Variants in PTPRN2 observed in about 807,000 individuals in gnomAD.
The protein encoded by PTPRN2 is protein tyrosine phosphatase receptor type N2, also known as receptor-type tyrosine-protein phosphatase N2.
In PTPRN2, 74 loss-of-function variants were observed where a neutral mutation model predicts 118.8. The observed-to-expected ratio is 0.62, with a 90% CI of 0.52 to 0.76. The LOEUF (loss-of-function observed/expected upper bound fraction) is 0.76. Ranked by LOEUF, PTPRN2 falls within the 30% of genes least tolerant of loss-of-function variation. The pLI, the probability that PTPRN2 is intolerant of heterozygous loss-of-function variation, is 0.00. For synonymous variants in PTPRN2, 641 were observed against 608.0 expected (o/e 1.05, Z -0.80); for missense variants, 1,481 against 1,394.4 (o/e 1.06, Z -0.99).
intron 2 of PTPRN2, among the ~76,000 whole-genome samples, chr7:158,370,898 C>CA (rs1282980740): frequency 6.6e-6 from 1 of 152,166 alleles, no homozygotes; most frequent in African/African-American, 2.4e-5. Flanking sequence ...AAATACCACA[C>CA]AAAATTAACA....
chr7:158,266,823 A>G (rs1421290911), intron 3 of PTPRN2, among the ~76,000 whole-genome samples: 6 of 152,252 alleles, frequency 3.9e-5, no homozygotes, highest in Admixed American at 2.0e-4. Context: ...AAATATGCCA[A>G]ATTTTTAAAA....
intron 11 of PTPRN2, chr7:158,030,455 C>T (rs1227372143): frequency 6.6e-6 from 1 of 152,178 alleles, no homozygotes; most frequent in Non-Finnish European, 1.5e-5. Flanking sequence ...AGTCTTGGCT[C>T]CAGCTCCTGT....
At chr7:157,770,557 A>G (rs1638751) in intron 12 of PTPRN2, among the ~76,000 whole-genome samples, 25,968 of 152,244 alleles carry the variant, frequency 0.17, 3,072 homozygotes, top group African/African-American at 0.31. Flanking sequence ...TTCCAAATAC[A>G]TGATCCTACT....
chr7:158,158,274 T>C (rs1356099449), intron 6 of PTPRN2, among the ~76,000 whole-genome samples: 2 of 152,246 alleles, frequency 1.3e-5, no homozygotes, highest in Non-Finnish European at 2.9e-5. Flanking sequence ...GCTGTCACCG[T>C]GAAAAGTCAA....
chr7:158,428,225 G>A (rs1004814023), intron 2 of PTPRN2, among the ~76,000 whole-genome samples: 26 of 152,180 alleles, frequency 1.7e-4, no homozygotes, highest in Admixed American at 6.5e-5. Context: ...TCCCAAAATG[G>A]AAAAACATTC....
intron 2 of PTPRN2, among the ~76,000 whole-genome samples, chr7:158,421,273 C>A (rs1387544645): frequency 6.6e-6 from 1 of 152,186 alleles, no homozygotes; most frequent in Non-Finnish European, 1.5e-5. Context: ...AGAGCTCAGC[C>A]TGTGGATATT....
rs1218739512 is a variant in PTPRN2 at position 157,611,793 on chromosome 7, C to T, written c.2345-7718G>A. Among the ~76,000 whole-genome samples the T allele has an allele frequency of 2.8e-5, 4 of 145,162 alleles. No homozygotes were observed. Among genetic ancestry groups the T allele is most frequent in the African/African-American group, 7.8e-5 (3 of 38,592 alleles). On this transcript the variant is annotated intron_variant, in intron 15 of 22. Coordinates refer to ENST00000389418, the MANE Select transcript of PTPRN2 (RefSeq NM_002847.5). The surrounding 1 kb of genome is among the most constrained non-coding windows in gnomAD (Gnocchi z 5.9). ...CAGCCGCAGTCATGCTGGGGACACG[C>T]GGAGGGAGAGCGCCCGTGTGAAGAC...
At chr7:158,194,793 T>G (rs557871275) in intron 4 of PTPRN2, among the ~76,000 whole-genome samples, 3 of 152,320 alleles carry the variant, frequency 2.0e-5, no homozygotes, top group South Asian at 4.1e-4. Flanking sequence ...AAATTACAGA[T>G]AGTGTATAAC....
At chr7:158,549,309 C>T (rs770579676) in intron 1 of PTPRN2, among the ~76,000 whole-genome samples, 9 of 152,318 alleles carry the variant, frequency 5.9e-5, no homozygotes, top group East Asian at 1.9e-4. Flanking sequence ...AGGGTCTCCA[C>T]GGGGAGCTGG....
intron 14 of PTPRN2, among the ~76,000 whole-genome samples, chr7:157,626,490 C>T (rs1393604904): frequency 2.6e-5 from 4 of 152,132 alleles, no homozygotes; most frequent in Non-Finnish European, 5.9e-5. Context: ...TCCAGGAGTC[C>T]GGTCAGGACA....
intron 6 of PTPRN2, among the ~76,000 whole-genome samples, chr7:158,164,431 CA>C (rs1822722813): frequency 1.6e-5 from 2 of 124,506 alleles, no homozygotes; most frequent in African/African-American, 6.0e-5. Context: ...GCTCGCAGAG[CA>C]GGAGGGTGCG....
intron 1 of PTPRN2, among the ~76,000 whole-genome samples, chr7:158,575,200 T>A (rs1400822893): frequency 3.9e-5 from 6 of 152,256 alleles, no homozygotes; most frequent in Admixed American, 3.3e-4. Flanking sequence ...TTATCTTATG[T>A]GAAATCACCT....
intron 11 of PTPRN2, among the ~76,000 whole-genome samples, chr7:158,080,536 A>G (rs1024080091): frequency 5.3e-5 from 8 of 151,296 alleles, no homozygotes; most frequent in Non-Finnish European, 1.0e-4. Context: ...CTTACTAGGC[A>G]GGAAGATTAA....
chr7:158,533,446 C>CT (rs1563405787), intron 1 of PTPRN2, among the ~76,000 whole-genome samples: 1 of 152,334 alleles, frequency 6.6e-6, no homozygotes, highest in East Asian at 1.9e-4. Flanking sequence ...GCACCTTTGC[C>CT]TTCCACTGAG....
chr7:158,278,658 C>G (rs1019649368), intron 3 of PTPRN2, among the ~76,000 whole-genome samples: 1 of 152,064 alleles, frequency 6.6e-6, no homozygotes, highest in Admixed American at 6.5e-5. Context: ...AGCCGCGGAC[C>G]CTCGCGGTGA....
chr7:157,942,949 T>C (rs1406035483), intron 11 of PTPRN2, among the ~76,000 whole-genome samples: 1 of 152,140 alleles, frequency 6.6e-6, no homozygotes, highest in Non-Finnish European at 1.5e-5. Context: ...CCGTCTCCCA[T>C]CCCTGGCATT....
intron 1 of PTPRN2, among the ~76,000 whole-genome samples, chr7:158,542,937 G>C (rs1826075160): frequency 6.6e-6 from 1 of 152,184 alleles, no homozygotes; most frequent in Non-Finnish European, 1.5e-5. Context: ...GGGAGCCGCA[G>C]AGACCACAAA....
chr7:157,899,467 G>A (rs143219209), intron 11 of PTPRN2, among the ~76,000 whole-genome samples: 3 of 152,346 alleles, frequency 2.0e-5, no homozygotes, highest in East Asian at 1.9e-4. Flanking sequence ...CTTGGCTTAC[G>A]ACTCTGTGGA....
rs141034378 is a variant in PTPRN2, at chr7:158,191,564, C to T, written c.549+763G>A. On this transcript the variant is annotated intron_variant, in intron 5 of 22. Transcript: ENST00000389418. ...CCAGGCAATGTGGGACCTGTGAACT[C>T]TGGCCTAACAAGTCGTCATAAAAAT... is the stretch of plus-strand genomic sequence containing the variant. Among the ~76,000 whole-genome samples the T allele has an allele frequency of 3.3e-3, 508 of 152,292 alleles. 1 individual carries two copies. Among genetic ancestry groups the T allele is most frequent in the African/African-American group, 0.012 (484 of 41,554 alleles).
Sources: allele counts gnomAD v4.1 joint callset (sites outside exome capture counted in the v4.1 genomes callset), GRCh38; gene constraint gnomAD v4.1.1; non-coding constraint Gnocchi (gnomAD v3.1); transcripts MANE v1.5; gene names NCBI Gene and HGNC (gene_info 2026-07-23, HGNC 2026-07-21).